Variants in DOCK11 observed in about 807,000 individuals in gnomAD.
DOCK11 encodes dedicator of cytokinesis 11.
In DOCK11, 70 loss-of-function variants were observed where a neutral mutation model predicts 169.1. That is an observed-to-expected ratio of 0.41 (90% CI 0.34 to 0.51). The LOEUF (loss-of-function observed/expected upper bound fraction) is 0.51. Among genes scored for constraint, DOCK11 ranks in the 20% least tolerant of loss-of-function variants. DOCK11 has a pLI of 0.10. For missense variants in DOCK11, 1,166 were observed against 1,538.8 expected (o/e 0.76, Z 4.05); for synonymous variants, 529 against 541.3 (o/e 0.98, Z 0.32).
chrX:118,557,312 A>C lies in DOCK11; in HGVS notation c.559-4071A>C, dbSNP rs573860351. ...AGGCCTCCCAGAGGAGGGGAGATTG[A>C]AGCAAAGACGTGAAAGGAGTAAGAA... On this transcript the variant is annotated intron_variant, in intron 6 of 52. Coordinates refer to ENST00000276202, the MANE Select transcript of DOCK11 (RefSeq NM_144658.4). Among the ~76,000 whole-genome samples the C allele has an allele frequency of 3.0e-4, 33 of 111,385 alleles. 1 individual carries two copies. The South Asian group carries it at 0.013, about 42-fold the overall frequency.
chrX:118,525,947 C>T (rs947184691), intron 1 of DOCK11, among the ~76,000 whole-genome samples: 1 of 112,149 alleles, frequency 8.9e-6, no homozygotes, highest in Non-Finnish European at 1.9e-5. Context: ...CACTTTCTAC[C>T]ACTTCCCGTA....
chrX:118,641,666 G>A (rs2015536585), intron 39 of DOCK11, among the ~76,000 whole-genome samples: 3 of 111,754 alleles, frequency 2.7e-5, no homozygotes, highest in Non-Finnish European at 3.8e-5. Flanking sequence ...TCCTGTCAGG[G>A]TAGATGATGT....
chrX:118,596,847 G>A (rs1043454554), intron 20 of DOCK11, among the ~76,000 whole-genome samples: 2 of 111,976 alleles, frequency 1.8e-5, no homozygotes, highest in African/African-American at 6.5e-5. Flanking sequence ...TCTGTAATCA[G>A]GACAAGTCTG....
chrX:118,667,367 T>G (rs988637011), intron 45 of DOCK11, among the ~76,000 whole-genome samples: 9 of 111,003 alleles, frequency 8.1e-5, no homozygotes, highest in Non-Finnish European at 1.7e-4. Context: ...GTCTATAATA[T>G]ATTTAAAGTT....
chrX:118,658,673 A>G (rs776397161), intron 44 of DOCK11, among the ~76,000 whole-genome samples: 5 of 112,507 alleles, frequency 4.4e-5, no homozygotes, highest in Admixed American at 3.7e-4. Context: ...CCTTTATTGA[A>G]GGCACCTCAA....
At chrX:118,643,920 T>C (rs1018991722) in intron 40 of DOCK11, among the ~76,000 whole-genome samples, 1 of 111,988 alleles carries the variant, frequency 8.9e-6, no homozygotes, top group African/African-American at 3.2e-5. Context: ...TGGAGGTATA[T>C]AAGCCATGAG....
At chrX:118,645,334 CTT>C (rs1336312066) in intron 40 of DOCK11, among the ~76,000 whole-genome samples, 3 of 111,713 alleles carry the variant, frequency 2.7e-5, no homozygotes, top group Non-Finnish European at 5.6e-5. Flanking sequence ...TAAATATACT[CTT>C]TGCCCTCATG....
chrX:118,569,959 GT>G (rs2013222547), intron 10 of DOCK11, among the ~76,000 whole-genome samples: 1 of 111,920 alleles, frequency 8.9e-6, no homozygotes, highest in East Asian at 2.8e-4. Flanking sequence ...GTGGTGTAGC[GT>G]TTTTGTGGTA....
chrX:118,516,093 C>CTTTT (rs773184047), intron 1 of DOCK11, among the ~76,000 whole-genome samples: 2 of 54,991 alleles, frequency 3.6e-5, no homozygotes, highest in Non-Finnish European at 6.3e-5. Context: ...TTTTCTTTTT[C>CTTTT]TTTTTTTTTT....
Position 118,639,448 on chromosome X carries a change from T to C in DOCK11, c.4015T>C (p.Trp1339Arg). The change falls in exon 38 of 53, where the codon TGG becomes CGG. Residue 1339 changes from tryptophan to arginine, a missense_variant. Physicochemically the swap from Trp to Arg is moderately radical, Grantham distance 101. Transcript: ENST00000276202. ...KRNIARVHDA[W>R]LSKHFGIDRK... is the part of the protein sequence containing the mutation. ...AATTTATTTTAGGGTGCATGATGCC[T>C]GGCTGTCAAAACACTTCGGAATAGA... 8.3e-7 allele frequency: 1 copy of C among 1,210,981 alleles called. No homozygotes were observed. Among genetic ancestry groups the C allele is most frequent in the Non-Finnish European group, 1.1e-6 (1 of 894,988 alleles).
Position 118,598,039 on chromosome X carries a change from G to T in DOCK11, c.2395G>T (p.Val799Leu), listed in dbSNP as rs147382406. The stretch of plus-strand genomic sequence containing the variant: ...AATTTTCTGTTCACAGCAATGTAAC[G>T]TGGATATTAAATGGGTAGATGGTGC... ...NDAESRRQCN[V>L]DIKWVDGAKP... is the part of the protein sequence containing the mutation. The change falls in exon 22 of 53, where the codon GTG becomes TTG. Residue 799 changes from valine to leucine, a missense_variant. Val to Leu is a conservative substitution (Grantham distance 32). Coordinates refer to ENST00000276202, the MANE Select transcript of DOCK11 (RefSeq NM_144658.4). 1 of 1,184,851 alleles carries T rather than the reference G, an allele frequency of 8.4e-7. No individual in the cohort carries two copies. Among genetic ancestry groups the T allele is most frequent in the African/African-American group, 1.8e-5 (1 of 56,839 alleles).
intron 1 of DOCK11, among the ~76,000 whole-genome samples, chrX:118,526,211 G>T (rs866815258): frequency 8.0e-5 from 9 of 111,875 alleles, no homozygotes; most frequent in Non-Finnish European, 1.5e-4. Flanking sequence ...TATGAGCCAG[G>T]GCTTTCAAGT....
At chrX:118,617,304 A>G (rs1179288606) in intron 30 of DOCK11, among the ~76,000 whole-genome samples, 1 of 108,732 alleles carries the variant, frequency 9.2e-6, no homozygotes, top group African/African-American at 3.4e-5. Context: ...AGCGTGGCCA[A>G]TATGGTGAAA....
chrX:118,546,171 T>C, intron 6 of DOCK11, 55 bp downstream of exon 6: 7 of 430,452 alleles, frequency 1.6e-5, no homozygotes, highest in Non-Finnish European at 2.5e-5. Flanking sequence ...GCATAAGTAG[T>C]CTATCTGGAA....
intron 1 of DOCK11, among the ~76,000 whole-genome samples, chrX:118,512,460 T>G (rs2057656083): frequency 8.9e-6 from 1 of 112,017 alleles, no homozygotes; most frequent in South Asian, 3.7e-4. Flanking sequence ...ATGAAACAGT[T>G]TTGTCTGGCA....
In DOCK11 at chrX:118,627,566, T is replaced by C. The variant is rs1439754848; in HGVS notation, c.3651T>C (p.Thr1217=). The C allele has an allele frequency of 3.3e-6, 4 of 1,204,903 alleles. No homozygotes were observed. The East Asian group carries it at 8.9e-5, about 27-fold the overall frequency. ...CTGCCAATAGAGGGAGTCTGAGCAC[T>C]GACAAAGACACCGGTAATTAAACCT... The part of the protein sequence containing the change: ...TSPANRGSLS[T]DKDTAYGSFQ... Residue 1217 remains threonine (T), a synonymous_variant, in exon 33 of 53, where the codon ACT becomes ACC. Coordinates refer to ENST00000276202, the MANE Select transcript of DOCK11 (RefSeq NM_144658.4).
intron 45 of DOCK11, among the ~76,000 whole-genome samples, chrX:118,667,033 T>C (rs1443952117): frequency 8.9e-6 from 1 of 112,104 alleles, no homozygotes; most frequent in Non-Finnish European, 1.9e-5. Context: ...TTGTGAAATG[T>C]TTGTCTTTTA....
intron 45 of DOCK11, among the ~76,000 whole-genome samples, chrX:118,667,630 G>C (rs2016370130): frequency 9.0e-6 from 1 of 111,139 alleles, no homozygotes; most frequent in Non-Finnish European, 1.9e-5. Flanking sequence ...TTGAAATCAA[G>C]TAGTGTTAGC....
At chrX:118,500,847 T>G (rs1167872618) in intron 1 of DOCK11, among the ~76,000 whole-genome samples, 1 of 110,741 alleles carries the variant, frequency 9.0e-6, no homozygotes, top group Non-Finnish European at 1.9e-5. Context: ...TCACAGTGTT[T>G]CCCCAGGCTG....
Sources: allele counts gnomAD v4.1 joint callset (sites outside exome capture counted in the v4.1 genomes callset), GRCh38; gene constraint gnomAD v4.1.1; transcripts MANE v1.5; gene names NCBI Gene and HGNC (gene_info 2026-07-23, HGNC 2026-07-21).